The following SSBP3 variants were observed in gnomAD, a reference collection of about 807,000 sequenced individuals.
SSBP3 encodes single-stranded DNA-binding protein 3.
SSBP3 carries 5 observed loss-of-function variants against 69.6 expected under a neutral mutation model. That is an observed-to-expected ratio of 0.07 (90% CI 0.04 to 0.15). The LOEUF (loss-of-function observed/expected upper bound fraction) is 0.15. SSBP3 is among the 10% of genes least tolerant of loss of function. The pLI is 1.00. For synonymous variants in SSBP3, 196 were observed against 193.4 expected (o/e 1.01, Z -0.11); for missense variants, 312 against 534.0 (o/e 0.58, Z 4.10).
rs991425722 is a variant in SSBP3 at position 54,269,869 on chromosome 1, A to G, written c.366+11569T>C. Reference sequence around the variant, plus strand: ...CTAATGAAGGGGCACCACTGGTAGGAAGAGCACCTGACAGAGGAGAATGAG... The same window carrying G: ...CTAATGAAGGGGCACCACTGGTAGGGAGAGCACCTGACAGAGGAGAATGAG... On this transcript the variant is annotated intron_variant, in intron 5 of 17. Transcript: ENST00000610401. Among the ~76,000 whole-genome samples the G allele has an allele frequency of 2.0e-5, 3 of 152,324 alleles. No homozygotes were observed. In the East Asian group the frequency reaches 5.8e-4, roughly 29 times the overall value.
intron 4 of SSBP3, among the ~76,000 whole-genome samples, chr1:54,297,622 C>T (rs1174005442): frequency 1.3e-5 from 2 of 152,172 alleles, no homozygotes; most frequent in African/African-American, 2.4e-5. Context: ...CAGAGTGAGA[C>T]TTTGTCTCAA....
At chr1:54,327,807 T>C (rs763029038) in intron 4 of SSBP3, among the ~76,000 whole-genome samples, 1 of 152,174 alleles carries the variant, frequency 6.6e-6, no homozygotes, top group Non-Finnish European at 1.5e-5. Flanking sequence ...GCTACACTCA[T>C]CTGTCCAGAG....
At chr1:54,274,045 G>C (rs935555940) in intron 5 of SSBP3, among the ~76,000 whole-genome samples, 5 of 152,194 alleles carry the variant, frequency 3.3e-5, no homozygotes. Context: ...CTGTCCCCTG[G>C]AGGAGTGAAC....
chr1:54,400,532 CCT>C (rs1362554591), intron 4 of SSBP3, among the ~76,000 whole-genome samples: 1 of 152,154 alleles, frequency 6.6e-6, no homozygotes, highest in Non-Finnish European at 1.5e-5. Context: ...CCGGTGGTGA[CCT>C]CTCCCTTTCA....
intron 3 of SSBP3, among the ~76,000 whole-genome samples, chr1:54,402,934 C>T (rs1649413743): frequency 6.6e-6 from 1 of 152,240 alleles, no homozygotes; most frequent in African/African-American, 2.4e-5. Context: ...GGCACCAAAA[C>T]CAAAGTCCTA....
intron 4 of SSBP3, among the ~76,000 whole-genome samples, chr1:54,378,304 G>A (rs547555260): frequency 1.4e-4 from 21 of 152,308 alleles, no homozygotes; most frequent in Middle Eastern, 3.4e-3. Flanking sequence ...GCTTAAAGAG[G>A]ATTAAGACAA....
intron 4 of SSBP3, among the ~76,000 whole-genome samples, chr1:54,291,044 C>A (rs1208626352): frequency 6.6e-6 from 1 of 152,218 alleles, no homozygotes; most frequent in Non-Finnish European, 1.5e-5. Context: ...GTTGCTTCTG[C>A]AAAGTGGAAA....
chr1:54,235,935 A>AT (rs1409598536), intron 14 of SSBP3, among the ~76,000 whole-genome samples: 1 of 152,130 alleles, frequency 6.6e-6, no homozygotes, highest in Non-Finnish European at 1.5e-5. Context: ...TTCTGGTGAC[A>AT]TTTTTTGAGT....
chr1:54,352,138 AAAC>A lies in SSBP3; in HGVS notation c.276+49720_276+49722del, dbSNP rs1046199199. 1.6e-4 allele frequency among the ~76,000 whole-genome samples: 25 copies of A among 152,188 alleles called. No individual in the cohort carries two copies. In the South Asian group the frequency reaches 1.7e-3, roughly 10 times the overall value. On this transcript the variant is annotated intron_variant, in intron 4 of 17. Coordinates refer to ENST00000610401, the Ensembl canonical transcript of SSBP3. ...TAGTGAGACCCTATCTCTACAAAAC[AAAC>A]AACAACAACAACCAAACCCCACCCC...
At chr1:54,273,632 G>T (rs1452643232) in intron 5 of SSBP3, among the ~76,000 whole-genome samples, 1 of 152,218 alleles carries the variant, frequency 6.6e-6, no homozygotes, top group Non-Finnish European at 1.5e-5. Context: ...CTGGCCAGGA[G>T]ATTGTGGAGG....
chr1:54,404,818 G>GGC, intron 2 of SSBP3, 40 bp downstream of exon 2: 1 of 1,082,214 alleles, frequency 9.2e-7, no homozygotes. Context: ...TGGGGGGGGG[G>GGC]GGTGTCAAGA....
intron 13 of SSBP3, among the ~76,000 whole-genome samples, chr1:54,240,137 A>G (rs1312817162): frequency 1.4e-5 from 2 of 140,836 alleles, no homozygotes; most frequent in African/African-American, 5.3e-5. Context: ...ATGCCCACGT[A>G]TGTGCACGCA....
rs1029193709 is a variant in SSBP3, at chr1:54,228,627, G to A, written c.1006+121C>T. Reference sequence around the variant, plus strand: ...TCTGTGCGGCATCCCTCTCAGGATCGTCCTGTGTGCCCAGCCAAGGCCGGC... The same window carrying A: ...TCTGTGCGGCATCCCTCTCAGGATCATCCTGTGTGCCCAGCCAAGGCCGGC... On this transcript the variant is annotated intron_variant, in intron 15 of 17. Coordinates refer to ENST00000610401, the Ensembl canonical transcript of SSBP3. The A allele has an allele frequency of 8.8e-6, 13 of 1,469,510 alleles. 1 individual carries two copies. The highest frequency in any genetic ancestry group is 7.7e-5 in the South Asian group (6 of 77,656). The allele number at this position is 1,469,510 out of a possible 1,614,324, so 91.0% of individuals were successfully genotyped here. A position where few individuals can be genotyped will look rare whatever the true frequency, so the allele number is the denominator to read the frequency against.
At chr1:54,281,267 T>A (rs902402978) in intron 5 of SSBP3, among the ~76,000 whole-genome samples, 171 bp downstream of exon 5, 1 of 152,164 alleles carries the variant, frequency 6.6e-6, no homozygotes, top group African/African-American at 2.4e-5. Flanking sequence ...CTCTCAGCTT[T>A]TAGAAGGACT....
chr1:54,379,440 G>A (rs1281895680), intron 4 of SSBP3, among the ~76,000 whole-genome samples: 1 of 152,218 alleles, frequency 6.6e-6, no homozygotes, highest in Non-Finnish European at 1.5e-5. Flanking sequence ...AGGTGAGGTC[G>A]ACCAGGCTCC....
intron 4 of SSBP3, among the ~76,000 whole-genome samples, chr1:54,303,656 T>C (rs6694076): frequency 0.28 from 42,914 of 151,960 alleles, 6,703 homozygotes; most frequent in Middle Eastern, 0.41. Flanking sequence ...ATCTTTACAC[T>C]CACACGGTCC....
intron 4 of SSBP3, among the ~76,000 whole-genome samples, chr1:54,381,406 AAGAG>A (rs1462065677): frequency 6.8e-6 from 1 of 146,408 alleles, no homozygotes; most frequent in South Asian, 2.2e-4. Context: ...AAAAAAAAAA[AAGAG>A]AGAGAGAGCA....
chr1:54,281,632 G>T, intron 4 of SSBP3, 105 bp from the exon 5 acceptor site: 1 of 1,066,482 alleles, frequency 9.4e-7, no homozygotes, highest in Non-Finnish European at 1.4e-6. Flanking sequence ...ATTCCCCGTG[G>T]ACCTTCCTCA....
chr1:54,236,144 C>T (rs1644488381), intron 14 of SSBP3, among the ~76,000 whole-genome samples: 1 of 151,908 alleles, frequency 6.6e-6, no homozygotes, highest in Non-Finnish European at 1.5e-5. Context: ...GAAACGGAGT[C>T]TCATTCTGTC....
Sources: gnomAD v4.1 joint callset for allele counts (sites outside exome capture counted in the v4.1 genomes callset) on GRCh38, gnomAD v4.1.1 for gene constraint, MANE v1.5 for transcripts, NCBI Gene and HGNC (gene_info 2026-07-23, HGNC 2026-07-21) for gene names.